PI15: variants seen among roughly 807,000 people sequenced by gnomAD.
The protein encoded by PI15 is peptidase inhibitor 15.
In PI15, 18 loss-of-function variants were observed where a neutral mutation model predicts 31.0. That is an observed-to-expected ratio of 0.58 (90% CI 0.40 to 0.86). The LOEUF is 0.86. PI15 is among the 40% of genes least tolerant of loss of function. The pLI, the probability that PI15 is intolerant of heterozygous loss-of-function variation, is 0.00. For synonymous variants in PI15, 118 were observed against 119.1 expected (o/e 0.99, Z 0.06); for missense variants, 282 against 328.1 (o/e 0.86, Z 1.09).
chr8:74,829,512 A>G (rs190736021), intron 2 of PI15, among the ~76,000 whole-genome samples: 110 of 152,266 alleles, frequency 7.2e-4, no homozygotes, highest in African/African-American at 2.4e-3. Flanking sequence ...CAAGACCCAC[A>G]CATAGAGTAA....
intron 2 of PI15, among the ~76,000 whole-genome samples, chr8:74,830,564 T>G (rs1401740575): frequency 1.3e-5 from 2 of 152,124 alleles, no homozygotes; most frequent in African/African-American, 4.8e-5. Flanking sequence ...ATTTATGACT[T>G]GGGAATAAAC....
chr8:74,841,443 G>A (rs969722869), intron 2 of PI15, among the ~76,000 whole-genome samples: 9 of 152,166 alleles, frequency 5.9e-5, no homozygotes, highest in South Asian at 4.1e-4. Context: ...GGCCTCAGTC[G>A]CAGATGACCT....
At chr8:74,832,097 G>T (rs551884408) in intron 2 of PI15, among the ~76,000 whole-genome samples, 1 of 152,124 alleles carries the variant, frequency 6.6e-6, no homozygotes, top group East Asian at 1.9e-4. Flanking sequence ...AAGGCAATAA[G>T]GATATAAAAA....
chr8:74,838,231 C>A (rs1016065253), intron 2 of PI15, among the ~76,000 whole-genome samples: 1 of 151,660 alleles, frequency 6.6e-6, no homozygotes, highest in African/African-American at 2.4e-5. Flanking sequence ...AACAGATTTT[C>A]TTATCATTGA....
chr8:74,843,511 T>A (rs532450375), intron 2 of PI15, among the ~76,000 whole-genome samples: 3 of 152,160 alleles, frequency 2.0e-5, no homozygotes, highest in Non-Finnish European at 4.4e-5. Context: ...GTGGATCACT[T>A]GAGGTCAGGA....
intron 4 of PI15, 61 bp downstream of exon 4, chr8:74,845,321 T>G: frequency 2.5e-6 from 4 of 1,580,866 alleles, no homozygotes; most frequent in Non-Finnish European, 2.6e-6. Flanking sequence ...AATACTATTT[T>G]GGTGGACATG....
At chr8:74,844,757 T>A (rs963120639) in intron 3 of PI15, 4 of 195,774 alleles carry the variant, frequency 2.0e-5, no homozygotes, top group Admixed American at 1.1e-4. Flanking sequence ...TGCACTGGGT[T>A]CTAATATTGT....
chr8:74,831,526 C>G (rs1228891894), intron 2 of PI15, among the ~76,000 whole-genome samples: 2 of 152,114 alleles, frequency 1.3e-5, no homozygotes, highest in Non-Finnish European at 1.5e-5. Flanking sequence ...TGTTCAAGCA[C>G]TTACTCCATA....
At chr8:74,848,206 T>C (rs1338533169) in intron 5 of PI15, among the ~76,000 whole-genome samples, 1 of 152,120 alleles carries the variant, frequency 6.6e-6, no homozygotes, top group African/African-American at 2.4e-5. Flanking sequence ...TTAAAACAAT[T>C]AGTAGCTATG....
intron 5 of PI15, among the ~76,000 whole-genome samples, chr8:74,848,764 C>T (rs1163216644): frequency 2.7e-5 from 4 of 148,132 alleles, no homozygotes; most frequent in South Asian, 4.2e-4. Context: ...GACGGAGTCT[C>T]GCTCTGTCGC....
Position 74,845,191 on chromosome 8 carries a change from A to T in PI15, c.456A>T (p.Pro152=), listed in dbSNP as rs772400897. 6.2e-7 allele frequency: 1 copy of T among 1,612,760 alleles called. No homozygotes were observed. The highest frequency in any genetic ancestry group is 8.5e-7 in the Non-Finnish European group (1 of 1,178,854). The change falls in exon 4 of 6, where the codon CCA becomes CCT. Residue 152 remains proline (P), a synonymous_variant. Transcript: ENST00000260113. ...WYDEVKDYAF[P]YPQDCNPRCP... The stretch of plus-strand genomic sequence containing the variant: ...ATGAAGTGAAAGATTATGCTTTTCC[A>T]TATCCCCAGGATTGCAACCCCAGAT...
chr8:74,837,421 C>A (rs1411448845), intron 2 of PI15, among the ~76,000 whole-genome samples: 3 of 152,100 alleles, frequency 2.0e-5, no homozygotes, highest in Non-Finnish European at 4.4e-5. Context: ...TGGTTTAACA[C>A]AAGTTCTTGT....
intron 1 of PI15, 26 bp from the exon 2 acceptor site, chr8:74,825,184 C>A: frequency 1.4e-6 from 2 of 1,438,000 alleles, no homozygotes; most frequent in Non-Finnish European, 1.9e-6. Context: ...TTTCATAGAC[C>A]CTAACTCTAC....
chr8:74,826,458 A>G (rs1180563647), intron 2 of PI15: 1 of 176,778 alleles, frequency 5.7e-6, no homozygotes, highest in East Asian at 1.9e-4. Context: ...TAAATAAGTT[A>G]TATTAAAAAG....
At position 74,849,762 on chromosome 8, in the gene PI15, T is replaced by G. The variant is rs1248974125; in HGVS notation, c.*509T>G. The stretch of plus-strand genomic sequence containing the variant: ...GTGATGGGACTTCTTAACACACATT[T>G]CTATAATACCCATGAAATGATAATT... On this transcript the variant is annotated 3_prime_UTR_variant, in exon 6 of 6. Coordinates refer to ENST00000260113, the MANE Select transcript of PI15 (RefSeq NM_015886.5). 6.6e-6 allele frequency: 1 copy of G among 152,214 alleles called. No individual in the cohort carries two copies. Among genetic ancestry groups the G allele is most frequent in the Non-Finnish European group, 1.5e-5 (1 of 68,050 alleles). The allele number at this position is 152,214 out of a possible 1,614,324, so 9.4% of individuals were successfully genotyped here. A position where few individuals can be genotyped will look rare whatever the true frequency, so the allele number is the denominator to read the frequency against.
At chr8:74,830,324 A>G (rs1810763576) in intron 2 of PI15, among the ~76,000 whole-genome samples, 1 of 152,158 alleles carries the variant, frequency 6.6e-6, no homozygotes, top group Admixed American at 6.6e-5. Context: ...TAAGAAGCCA[A>G]AATAACTATA....
rs1291121558 is a variant in PI15, at chr8:74,825,246, C to A, written c.-4C>A. On this transcript the variant is annotated 5_prime_UTR_variant, in exon 2 of 6. Transcript: ENST00000260113. ...CGGTGGCCTCTTCTTCTCCACCCCT[C>A]AAAATGATAGCAATCTCTGCCGTCA... The A allele has an allele frequency of 1.2e-6, 2 of 1,612,416 alleles. No homozygotes were observed. Among genetic ancestry groups the A allele is most frequent in the East Asian group, 4.5e-5 (2 of 44,854 alleles).
chr8:74,836,113 G>A (rs1586954407), intron 2 of PI15, among the ~76,000 whole-genome samples: 1 of 152,164 alleles, frequency 6.6e-6, no homozygotes, highest in East Asian at 1.9e-4. Context: ...TTTGGCCTGA[G>A]CAATAAAGAA....
At position 74,853,559 on chromosome 8, in the gene PI15, T is replaced by G. The variant is rs189085331; in HGVS notation, c.*4306T>G. The G allele has an allele frequency of 3.7e-4, 56 of 152,632 alleles. No individual in the cohort carries two copies. The highest frequency in any genetic ancestry group is 1.2e-3 in the African/African-American group (51 of 41,584). 9.5% of individuals were successfully genotyped at this position (152,632 alleles called of 1,614,324 possible). ...ATATCACCTAAACTGGTTAGATTAC[T>G]TCTACAGCTAATAATATTGCAGGCA... On this transcript the variant is annotated 3_prime_UTR_variant, in exon 6 of 6. Coordinates refer to ENST00000260113, the MANE Select transcript of PI15 (RefSeq NM_015886.5).
Sources: gnomAD v4.1 joint callset for allele counts (sites outside exome capture counted in the v4.1 genomes callset) on GRCh38, gnomAD v4.1.1 for gene constraint, MANE v1.5 for transcripts, NCBI Gene and HGNC (gene_info 2026-07-23, HGNC 2026-07-21) for gene names.